SNRNP35: variants seen among roughly 807,000 people sequenced by gnomAD.
SNRNP35 encodes the protein U11/U12 small nuclear ribonucleoprotein 35 kDa protein.
In SNRNP35, 16 loss-of-function variants were observed where a neutral mutation model predicts 24.3. That is an observed-to-expected ratio of 0.66 (90% CI 0.45 to 1.00). The LOEUF is 1.00. Among genes scored for constraint, SNRNP35 ranks in the 50% least tolerant of loss-of-function variants. SNRNP35 has a pLI of 0.00. For synonymous variants in SNRNP35, 106 were observed against 124.8 expected (o/e 0.85, Z 1.00); for missense variants, 292 against 327.2 (o/e 0.89, Z 0.83).
chr12:123,466,990 G>C (rs1269135454), downstream of SNRNP35: 1 of 152,210 alleles, frequency 6.6e-6, no homozygotes, highest in African/African-American at 2.4e-5. Flanking sequence ...GTAGGAATTT[G>C]ATTTTCTTCC....
chr12:123,460,326 C>G (rs944160500), intron 1 of SNRNP35, among the ~76,000 whole-genome samples: 42 of 152,266 alleles, frequency 2.8e-4, no homozygotes, highest in African/African-American at 9.1e-4. Context: ...CACACTGCCC[C>G]TGGTTCTAAC....
chr12:123,460,118 C>A (rs1020236702), intron 1 of SNRNP35, among the ~76,000 whole-genome samples: 1 of 152,118 alleles, frequency 6.6e-6, no homozygotes, highest in Admixed American at 6.5e-5. Flanking sequence ...TGGCGTGAGC[C>A]ACTGCACCGG....
At chr12:123,461,146 C>T (rs1174480314) in intron 1 of SNRNP35, among the ~76,000 whole-genome samples, 8 of 149,354 alleles carry the variant, frequency 5.4e-5, no homozygotes, top group East Asian at 4.0e-4. Flanking sequence ...GACGGAGTCT[C>T]GCTCTGTCGC....
chr12:123,460,877 C>T (rs985788813), intron 1 of SNRNP35, among the ~76,000 whole-genome samples: 57 of 151,312 alleles, frequency 3.8e-4, no homozygotes, highest in Non-Finnish European at 7.5e-4. Flanking sequence ...AGGCTAGTCT[C>T]GAACTCCCGA....
At chr12:123,464,275 T>C (rs1405640298) in intron 1 of SNRNP35, among the ~76,000 whole-genome samples, 1 of 147,206 alleles carries the variant, frequency 6.8e-6, no homozygotes, top group East Asian at 2.0e-4. Flanking sequence ...AGTCTTGCTC[T>C]GTCGCCCAGG....
chr12:123,462,937 C>A (rs1029337269), intron 1 of SNRNP35, among the ~76,000 whole-genome samples: 19 of 152,000 alleles, frequency 1.3e-4, no homozygotes, highest in Admixed American at 1.2e-3. Flanking sequence ...AGAAATAAAG[C>A]AGAAAGATCC....
downstream of SNRNP35, chr12:123,470,973 G>A (rs1303436898): frequency 1.3e-5 from 2 of 151,914 alleles, no homozygotes; most frequent in East Asian, 1.9e-4. Context: ...CTGCTCTAAC[G>A]CAGCAATAAT....
At chr12:123,469,230 C>T (rs370882318), downstream of SNRNP35, among the ~76,000 whole-genome samples, 303 of 151,884 alleles carry the variant, frequency 2.0e-3, 2 homozygotes, top group East Asian at 0.035. Flanking sequence ...TCTCCGCTCA[C>T]TGCAAACTCT....
Position 123,466,495 on chromosome 12 carries a change from C to A in SNRNP35, c.*214C>A. ...CTAAGGACATGTTATTTAACAGGAT[C>A]AAGAAGCAATTTTGTAGTTACTGGC... On this transcript the variant is annotated 3_prime_UTR_variant, in exon 2 of 2. Coordinates refer to ENST00000526639, the MANE Select transcript of SNRNP35 (RefSeq NM_022717.4). 2.2e-6 allele frequency: 1 copy of A among 461,628 alleles called. No individual in the cohort carries two copies. The allele number at this position is 461,628 out of a possible 1,614,324, so 28.6% of individuals were successfully genotyped here. A position where few individuals can be genotyped will look rare whatever the true frequency, so the allele number is the denominator to read the frequency against.
chr12:123,463,696 G>C (rs544960675), intron 1 of SNRNP35, among the ~76,000 whole-genome samples: 1 of 151,722 alleles, frequency 6.6e-6, no homozygotes. Flanking sequence ...TACCGCGCTC[G>C]CCAGTTTTGT....
At chr12:123,462,304 C>G (rs2139283957) in intron 1 of SNRNP35, among the ~76,000 whole-genome samples, 1 of 152,022 alleles carries the variant, frequency 6.6e-6, no homozygotes, top group South Asian at 2.1e-4. Context: ...GATGTTTGCA[C>G]AAATGGTTTA....
At chr12:123,470,569 A>T (rs1881142697), downstream of SNRNP35, 1 of 151,904 alleles carries the variant, frequency 6.6e-6, no homozygotes, top group African/African-American at 2.4e-5. Context: ...TGAGGTCAGG[A>T]GTTCGAGACC....
chr12:123,460,956 CTTTTTTTTTTT>C (rs35246652), intron 1 of SNRNP35, among the ~76,000 whole-genome samples: 4 of 122,772 alleles, frequency 3.3e-5, no homozygotes, highest in Middle Eastern at 4.2e-3. Flanking sequence ...TGCGCCTGGC[CTTTTTTTTTTT>C]TTTTTTTTTT....
At chr12:123,469,416 G>C (rs1315585067), downstream of SNRNP35, among the ~76,000 whole-genome samples, 1 of 152,142 alleles carries the variant, frequency 6.6e-6, no homozygotes, top group African/African-American at 2.4e-5. Context: ...GCCTCCCAAA[G>C]TGCTGGGATT....
chr12:123,467,047 G>A (rs1881013106), downstream of SNRNP35: 1 of 152,210 alleles, frequency 6.6e-6, no homozygotes, highest in African/African-American at 2.4e-5. Context: ...AAGAGGTTAT[G>A]ACCTAATCAC....
downstream of SNRNP35, chr12:123,471,921 G>A (rs115600261): frequency 8.4e-3 from 1,293 of 153,654 alleles, 26 homozygotes; most frequent in African/African-American, 0.029. Flanking sequence ...GCATTATCAG[G>A]AACGCAGCCA....
intron 1 of SNRNP35, among the ~76,000 whole-genome samples, chr12:123,462,792 T>G (rs1332905089): frequency 1.3e-5 from 2 of 151,938 alleles, no homozygotes; most frequent in East Asian, 3.9e-4. Flanking sequence ...CCCGGCCTAG[T>G]GTCAGAGGTC....
chr12:123,460,160 A>T (rs1335737270), intron 1 of SNRNP35, among the ~76,000 whole-genome samples: 1 of 151,740 alleles, frequency 6.6e-6, no homozygotes, highest in South Asian at 2.1e-4. Flanking sequence ...TTGAATGGGG[A>T]GGGGTTCTTT....
chr12:123,458,577 C>T (rs1880415591), intron 1 of SNRNP35, among the ~76,000 whole-genome samples: 1 of 149,104 alleles, frequency 6.7e-6, no homozygotes, highest in Non-Finnish European at 1.5e-5. Flanking sequence ...TTGCTTTTCA[C>T]AGGAGGGGCA....
Sources: gnomAD v4.1 joint callset for allele counts (sites outside exome capture counted in the v4.1 genomes callset) on GRCh38, gnomAD v4.1.1 for gene constraint, MANE v1.5 for transcripts, NCBI Gene and HGNC (gene_info 2026-07-23, HGNC 2026-07-21) for gene names.